Variants in DLG5 observed in about 807,000 individuals in gnomAD.
DLG5 encodes disks large homolog 5.
A neutral mutation model predicts 189.8 loss-of-function variants in DLG5; 48 were observed. The ratio of observed to expected loss-of-function variants is 0.25; its 90% CI spans 0.20 to 0.32. The LOEUF (loss-of-function observed/expected upper bound fraction) is 0.32. DLG5 is among the 10% of genes least tolerant of loss of function. The pLI is 1.00. For missense variants in DLG5, 2,160 were observed against 2,544.7 expected (o/e 0.85, Z 3.25); for synonymous variants, 1,016 against 1,054.1 (o/e 0.96, Z 0.70).
At chr10:77,829,085 G>T in intron 12 of DLG5, 100 bp from the exon 13 acceptor site, 1 of 1,342,532 alleles carries the variant, frequency 7.4e-7, no homozygotes, top group Non-Finnish European at 1.0e-6. Context: ...AAAAGAGGAT[G>T]TCAGCAGGCT....
In DLG5 at chr10:77,913,403, C is replaced by T. The variant is rs1025197568; in HGVS notation, c.304+12814G>A. 2.6e-5 allele frequency among the ~76,000 whole-genome samples: 4 copies of T among 152,174 alleles called. No homozygotes were observed. The East Asian group carries it at 7.7e-4, about 29-fold the overall frequency. On this transcript the variant is annotated intron_variant, in intron 1 of 31. Coordinates refer to ENST00000372391, the MANE Select transcript of DLG5 (RefSeq NM_004747.4). ...CACCAATAAAATGACATCTTTGAGA[C>T]AAGCAAAACTGAGCATCACCCGGGC...
chr10:77,870,956 AAG>A (rs560023199), intron 1 of DLG5, among the ~76,000 whole-genome samples: 49 of 152,242 alleles, frequency 3.2e-4, no homozygotes, highest in Admixed American at 1.5e-3. Context: ...CCATCAGAAA[AAG>A]AGATGAAGGG....
chr10:77,940,580 T>C, the DLG5 span, among the ~76,000 whole-genome samples: 9 of 152,174 alleles, frequency 5.9e-5, no homozygotes, highest in Non-Finnish European at 1.2e-4. Flanking sequence ...CTCCCTCTTG[T>C]TCTGAGCATA....
At position 77,807,909 on chromosome 10, in the gene DLG5, C is replaced by G; in HGVS notation, c.4683G>C (p.Glu1561Asp). 1 of 1,614,234 alleles carries G rather than the reference C, an allele frequency of 6.2e-7. No homozygotes were observed. Residue 1561 changes from glutamate (E) to aspartate (D), a missense_variant, in exon 25 of 32, where the codon GAG becomes GAC. Transcript: ENST00000372391. ...GCTTCAGCATCTCCACATAGACTTC[C>G]TCCACTGTCTTGTTCCGCACGTCCA... The part of the protein sequence containing the change: ...GSLDVRNKTV[E>D]EVYVEMLKPR...
chr10:77,868,370 C>T, intron 2 of DLG5: 1 of 351,512 alleles, frequency 2.8e-6, no homozygotes. Context: ...CTCTGGCACA[C>T]TGGAGGTGTT....
chr10:77,905,347 A>T (rs1846043443), intron 1 of DLG5, among the ~76,000 whole-genome samples: 1 of 152,100 alleles, frequency 6.6e-6, no homozygotes, highest in Non-Finnish European at 1.5e-5. Flanking sequence ...AACACGTGGA[A>T]TGGAGTGGTT....
intron 1 of DLG5, among the ~76,000 whole-genome samples, chr10:77,902,874 AAAAT>A (rs917170266): frequency 0.029 from 3,040 of 104,610 alleles, 139 homozygotes; most frequent in African/African-American, 0.11. Context: ...AATAAATAAA[AAAAT>A]AAATAAATAA....
rs372914358 is a variant in DLG5, at chr10:77,905,022, G to A, written c.304+21195C>T. ...CAGGTGCCTGTAATCCCAGCTACTCGGGAGGCTGAGGAAGGAGAATCACTT... is the reference window on the plus strand; with the variant it reads ...CAGGTGCCTGTAATCCCAGCTACTCAGGAGGCTGAGGAAGGAGAATCACTT... On this transcript the variant is annotated intron_variant, in intron 1 of 31. Coordinates refer to ENST00000372391, the MANE Select transcript of DLG5 (RefSeq NM_004747.4). Among the ~76,000 whole-genome samples the A allele has an allele frequency of 4.7e-4, 71 of 151,634 alleles. No homozygotes were observed. The East Asian group carries it at 0.011, about 24-fold the overall frequency.
chr10:77,911,020 A>T (rs904780688), intron 1 of DLG5, among the ~76,000 whole-genome samples: 1 of 151,758 alleles, frequency 6.6e-6, no homozygotes, highest in African/African-American at 2.4e-5. Context: ...CATAAACAGG[A>T]AAAGAAGTTC....
chr10:77,820,167 G>A (rs758787852), intron 15 of DLG5, 149 bp from the exon 16 acceptor site: 52 of 1,069,926 alleles, frequency 4.9e-5, no homozygotes, highest in African/African-American at 1.3e-4. Flanking sequence ...CCAACATGGC[G>A]AAATCCCGTC....
upstream of DLG5, chr10:77,926,919 C>T: frequency 2.8e-6 from 1 of 352,740 alleles, no homozygotes. The surrounding 1 kb of genome is among the most constrained non-coding windows in gnomAD (Gnocchi z 5.2). Flanking sequence ...GAAAGCCGGG[C>T]CGCGCGCCGC....
chr10:77,858,285 T>G lies in DLG5; in HGVS notation c.374-1393A>C, dbSNP rs117094460. On this transcript the variant is annotated intron_variant, in intron 2 of 31. Transcript: ENST00000372391. ...TGGTCCCATAAGATTATAATAGAGTTAGAAACAAAAGAAATATGTATTAAA... is the reference window on the plus strand; with the variant it reads ...TGGTCCCATAAGATTATAATAGAGTGAGAAACAAAAGAAATATGTATTAAA... Among the ~76,000 whole-genome samples the G allele has an allele frequency of 4.4e-3, 662 of 151,688 alleles. 14 individuals are homozygous for G. In the East Asian group the frequency reaches 0.07, roughly 16 times the overall value.
At chr10:77,848,781 T>A (rs1037497489) in intron 5 of DLG5, among the ~76,000 whole-genome samples, 1 of 151,876 alleles carries the variant, frequency 6.6e-6, no homozygotes, top group African/African-American at 2.4e-5. Flanking sequence ...AAAAAAAAAA[T>A]CTACAAGGAT....
chr10:77,901,139 G>C (rs1269169138), intron 1 of DLG5, among the ~76,000 whole-genome samples: 1 of 151,106 alleles, frequency 6.6e-6, no homozygotes, highest in Non-Finnish European at 1.5e-5. Flanking sequence ...AAAGAAAAGA[G>C]AAGAAAAAAG....
At chr10:77,803,630 TA>T (rs1255084249) in intron 27 of DLG5, among the ~76,000 whole-genome samples, 1 of 152,134 alleles carries the variant, frequency 6.6e-6, no homozygotes, top group Non-Finnish European at 1.5e-5. Flanking sequence ...CAGGAAGGTG[TA>T]ACAATGCAAA....
chr10:77,796,556 C>T lies in DLG5; in HGVS notation c.5203G>A (p.Asp1735Asn), dbSNP rs2154574818. 1 of 1,614,108 alleles carries T rather than the reference C, an allele frequency of 6.2e-7. No individual in the cohort carries two copies. Among genetic ancestry groups the T allele is most frequent in the East Asian group, 2.2e-5 (1 of 44,882 alleles). Residue 1735 changes from aspartate (D) to asparagine (N), a missense_variant, in exon 28 of 32, where the codon GAC (aspartate) becomes AAC (asparagine). Asp to Asn is a conservative substitution (Grantham distance 23). Transcript: ENST00000372391. This position sits in a 1 kb window ranked among gnomAD's most constrained non-coding sequence, Gnocchi z 5.2. ...AGGACAGGCCTCAGAGCGGTGCAGT[C>T]CACCTTCTGGACCCGCTGATAGGCC... Reference protein sequence around the residue: ...SLAYQRVQKVDCTALRPVLIL... With the variant: ...SLAYQRVQKVNCTALRPVLIL...
At chr10:77,807,730 A>G in intron 25 of DLG5, 66 bp downstream of exon 25, 1 of 1,551,764 alleles carries the variant, frequency 6.4e-7, no homozygotes, top group Non-Finnish European at 8.8e-7. Context: ...TCACCAGGAA[A>G]AGAGTCTCCA....
At chr10:77,797,817 G>A (rs1291861468) in intron 27 of DLG5, among the ~76,000 whole-genome samples, 1 of 152,154 alleles carries the variant, frequency 6.6e-6, no homozygotes, top group African/African-American at 2.4e-5. Flanking sequence ...TCCATGAAGA[G>A]CAACCTGTGG....
chr10:77,917,657 G>A (rs753300408), intron 1 of DLG5, among the ~76,000 whole-genome samples: 3 of 152,196 alleles, frequency 2.0e-5, no homozygotes, highest in South Asian at 2.1e-4. Flanking sequence ...TTATTCAATA[G>A]GTACAGAGTT....
Sources: allele counts gnomAD v4.1 joint callset (sites outside exome capture counted in the v4.1 genomes callset), GRCh38; gene constraint gnomAD v4.1.1; non-coding constraint Gnocchi (gnomAD v3.1); transcripts MANE v1.5; gene names NCBI Gene and HGNC (gene_info 2026-07-23, HGNC 2026-07-21).